The following KDM4C variants were observed in gnomAD, a reference collection of about 807,000 sequenced individuals.
KDM4C encodes lysine-specific demethylase 4C.
Under a neutral mutation model 129.3 loss-of-function variants are expected in KDM4C, and 81 were observed. The observed-to-expected ratio is 0.63, with a 90% CI of 0.52 to 0.75. The LOEUF is 0.75. Ranked by LOEUF, KDM4C falls within the 30% of genes least tolerant of loss-of-function variation. The pLI is 0.00. For missense variants in KDM4C, 1,457 were observed against 1,304.0 expected, an observed-to-expected ratio of 1.12 and a Z score of -1.81; for synonymous variants, 573 against 456.1, an observed-to-expected ratio of 1.26 and a Z score of -3.26.
intron 8 of KDM4C, among the ~76,000 whole-genome samples, chr9:6,947,253 A>AT (rs1265690467): frequency 6.6e-6 from 1 of 151,944 alleles, no homozygotes; most frequent in Non-Finnish European, 1.5e-5. Context: ...TGTGAAAGCT[A>AT]TTTTTTTCTA....
At chr9:6,884,895 G>T (rs1435070710) in intron 6 of KDM4C, among the ~76,000 whole-genome samples, 1 of 152,214 alleles carries the variant, frequency 6.6e-6, no homozygotes, top group Non-Finnish European at 1.5e-5. Flanking sequence ...CCAGTTGACA[G>T]TATAGAGAAC....
At chr9:7,028,849 G>A (rs970497043) in intron 15 of KDM4C, among the ~76,000 whole-genome samples, 2 of 152,114 alleles carry the variant, frequency 1.3e-5, no homozygotes, top group African/African-American at 4.8e-5. Context: ...TGGGCAGCAC[G>A]GAATTCAGTG....
chr9:7,122,271 T>A (rs1404914788), intron 18 of KDM4C, among the ~76,000 whole-genome samples: 9 of 133,124 alleles, frequency 6.8e-5, no homozygotes, highest in Admixed American at 4.4e-4. Context: ...ACACACTCTC[T>A]CTCTCTCTCT....
intron 17 of KDM4C, among the ~76,000 whole-genome samples, chr9:7,063,294 C>T (rs1831968436): frequency 6.6e-6 from 1 of 152,108 alleles, no homozygotes; most frequent in Admixed American, 6.5e-5. Context: ...AACATTTTTG[C>T]TGTCTCAACA....
intron 16 of KDM4C, among the ~76,000 whole-genome samples, chr9:7,048,887 C>G (rs1468800444): frequency 6.6e-6 from 1 of 151,996 alleles, no homozygotes; most frequent in Non-Finnish European, 1.5e-5. Flanking sequence ...CTCTTCATGG[C>G]ACAATGTTGT....
intron 19 of KDM4C, among the ~76,000 whole-genome samples, chr9:7,133,863 C>T (rs1840906083): frequency 1.3e-5 from 2 of 152,210 alleles, no homozygotes; most frequent in Admixed American, 1.3e-4. Flanking sequence ...GAAACGTTCT[C>T]TACTGTGGGA....
chr9:7,011,991 C>T (rs112169829), intron 13 of KDM4C, 112 bp downstream of exon 13: 99 of 804,358 alleles, frequency 1.2e-4, no homozygotes, highest in African/African-American at 1.1e-3. Flanking sequence ...AGAAGGAAGA[C>T]GTCCTTAGGT....
At chr9:7,056,371 G>T (rs1224706774) in intron 17 of KDM4C, among the ~76,000 whole-genome samples, 1 of 150,832 alleles carries the variant, frequency 6.6e-6, no homozygotes, top group Non-Finnish European at 1.5e-5. Flanking sequence ...AAGTACATTA[G>T]TAGCTGTATA....
chr9:6,892,021 C>T (rs1241145660), intron 7 of KDM4C, among the ~76,000 whole-genome samples: 1 of 152,096 alleles, frequency 6.6e-6, no homozygotes, highest in African/African-American at 2.4e-5. Context: ...TGTGGTTTTA[C>T]AACTTTTATT....
At chr9:6,880,431 T>G (rs1421584938) in intron 6 of KDM4C, among the ~76,000 whole-genome samples, 1 of 152,162 alleles carries the variant, frequency 6.6e-6, no homozygotes, top group Non-Finnish European at 1.5e-5. Context: ...CAGACGGTAT[T>G]GTTGCTGCAT....
intron 1 of KDM4C, among the ~76,000 whole-genome samples, chr9:6,764,640 G>T (rs1820248561): frequency 6.6e-6 from 1 of 152,158 alleles, no homozygotes; most frequent in Non-Finnish European, 1.5e-5. Context: ...GATACACATG[G>T]TATTTCAGCT....
At chr9:7,125,528 C>G (rs1264981800) in intron 18 of KDM4C, among the ~76,000 whole-genome samples, 1 of 152,210 alleles carries the variant, frequency 6.6e-6, no homozygotes, top group Non-Finnish European at 1.5e-5. Flanking sequence ...ATGAATGACT[C>G]TCTGGGAATG....
chr9:6,721,391 C>A (rs1162132829), intron 1 of KDM4C, among the ~76,000 whole-genome samples: 3 of 149,126 alleles, frequency 2.0e-5, no homozygotes, highest in Non-Finnish European at 4.4e-5. Context: ...TCAAGCGATT[C>A]TTGTGCCTTT....
chr9:6,752,606 C>T (rs1287572651), intron 1 of KDM4C, among the ~76,000 whole-genome samples: 1 of 151,634 alleles, frequency 6.6e-6, no homozygotes, highest in Non-Finnish European at 1.5e-5. Context: ...GACGGAGTTT[C>T]ACCATGTTGG....
chr9:6,779,966 T>A lies in KDM4C; in HGVS notation c.-17-13006T>A, dbSNP rs552116960. Among the ~76,000 whole-genome samples the A allele has an allele frequency of 2.0e-5, 3 of 152,298 alleles. No individual in the cohort carries two copies. In the South Asian group the frequency reaches 6.2e-4, roughly 32 times the overall value. On this transcript the variant is annotated intron_variant, in intron 1 of 21. Coordinates refer to ENST00000381309, the MANE Select transcript of KDM4C (RefSeq NM_015061.6). ...TGTAGCACTGAATGCAATTACTAAT[T>A]GAGCTATTTAAGCAAACTAGCCAGC...
chr9:6,725,255 G>A (rs908310458), intron 1 of KDM4C, among the ~76,000 whole-genome samples: 2 of 151,958 alleles, frequency 1.3e-5, no homozygotes, highest in African/African-American at 4.8e-5. Context: ...TGGAGATGGT[G>A]CAGGAGGGAC....
At chr9:6,765,461 C>A (rs958960747) in intron 1 of KDM4C, among the ~76,000 whole-genome samples, 1 of 152,158 alleles carries the variant, frequency 6.6e-6, no homozygotes, top group African/African-American at 2.4e-5. Context: ...TTTTCCCTAA[C>A]ACTTAGTGGT....
intron 4 of KDM4C, among the ~76,000 whole-genome samples, chr9:6,841,934 A>G (rs1458348128): frequency 6.6e-6 from 1 of 152,180 alleles, no homozygotes; most frequent in Non-Finnish European, 1.5e-5. Context: ...GCTGGTTATC[A>G]GTTTTCTTAA....
intron 3 of KDM4C, among the ~76,000 whole-genome samples, chr9:6,812,446 G>T (rs1051333241): frequency 1.3e-5 from 2 of 152,162 alleles, no homozygotes; most frequent in African/African-American, 4.8e-5. Flanking sequence ...TGGTTTTGTG[G>T]AAGATAATTT....
Sources: allele counts gnomAD v4.1 joint callset (sites outside exome capture counted in the v4.1 genomes callset), GRCh38; gene constraint gnomAD v4.1.1; transcripts MANE v1.5; gene names NCBI Gene and HGNC (gene_info 2026-07-23, HGNC 2026-07-21).